Variants in PCDH9 observed in about 807,000 individuals in gnomAD.
PCDH9 encodes the protein protocadherin-9.
Under a neutral mutation model 70.6 loss-of-function variants are expected in PCDH9, and 24 were observed. The ratio of observed to expected loss-of-function variants is 0.34; its 90% CI spans 0.25 to 0.48. The LOEUF is 0.48. PCDH9 is among the 20% of genes least tolerant of loss of function. The pLI is 0.99. For missense variants in PCDH9, 1,281 were observed against 1,503.6 expected (o/e 0.85, Z 2.45); for synonymous variants, 562 against 558.5 (o/e 1.01, Z -0.09).
At chr13:66,382,892 C>A (rs915687742) in intron 4 of PCDH9, among the ~76,000 whole-genome samples, 5 of 152,056 alleles carry the variant, frequency 3.3e-5, no homozygotes, top group Non-Finnish European at 5.9e-5. Flanking sequence ...ATCAGCCAGG[C>A]GTGGTGGCGC....
At chr13:66,517,891 A>C (rs1340570095) in intron 4 of PCDH9, among the ~76,000 whole-genome samples, 2 of 152,190 alleles carry the variant, frequency 1.3e-5, no homozygotes, top group African/African-American at 4.8e-5. Context: ...GAATTAATAA[A>C]TGAATAAATG....
intron 4 of PCDH9, among the ~76,000 whole-genome samples, chr13:66,606,001 A>G (rs1374121240): frequency 6.6e-6 from 1 of 152,056 alleles, no homozygotes; most frequent in African/African-American, 2.4e-5. Flanking sequence ...AGTGACATAG[A>G]AATCATGGGG....
At chr13:66,513,311 T>A (rs1959580359) in intron 4 of PCDH9, among the ~76,000 whole-genome samples, 1 of 151,944 alleles carries the variant, frequency 6.6e-6, no homozygotes, top group South Asian at 2.1e-4. Context: ...TTACAAAATG[T>A]CTGCTATAAT....
intron 4 of PCDH9, among the ~76,000 whole-genome samples, chr13:66,479,028 T>C (rs1208839016): frequency 6.6e-6 from 1 of 152,188 alleles, no homozygotes; most frequent in Non-Finnish European, 1.5e-5. Flanking sequence ...ACACAGCTAG[T>C]GACTTTCAGT....
chr13:66,681,741 T>A (rs778459427), intron 3 of PCDH9, among the ~76,000 whole-genome samples: 3 of 152,058 alleles, frequency 2.0e-5, no homozygotes, highest in Non-Finnish European at 4.4e-5. Flanking sequence ...AGCATTGTAC[T>A]TTTCCCTTCC....
intron 2 of PCDH9, among the ~76,000 whole-genome samples, chr13:67,079,667 C>T (rs147058650): frequency 1.3e-4 from 20 of 152,296 alleles, no homozygotes; most frequent in African/African-American, 4.3e-4. Flanking sequence ...AATTTTGCAT[C>T]AGATTAATCT....
intron 3 of PCDH9, among the ~76,000 whole-genome samples, chr13:66,837,874 G>C (rs546403677): frequency 2.0e-5 from 3 of 152,090 alleles, no homozygotes; most frequent in African/African-American, 7.2e-5. Context: ...CACACACCCA[G>C]GGGAATGAAC....
chr13:67,214,933 C>CAT (rs1388312996), intron 2 of PCDH9: 2 of 26,130 alleles, frequency 7.7e-5, no homozygotes, highest in African/African-American at 2.4e-4. Context: ...TATTGCGAGC[C>CAT]AGATATATAT....
intron 3 of PCDH9, among the ~76,000 whole-genome samples, chr13:66,741,868 C>G (rs1166025506): frequency 7.0e-6 from 1 of 143,112 alleles, no homozygotes; most frequent in Non-Finnish European, 1.5e-5. Context: ...GAAGAACATT[C>G]CATGCTCATG....
At chr13:66,339,240 A>T (rs1444660828) in intron 4 of PCDH9, among the ~76,000 whole-genome samples, 4 of 152,048 alleles carry the variant, frequency 2.6e-5, no homozygotes, top group African/African-American at 9.7e-5. Context: ...AACAACAACA[A>T]AAAAACAGTA....
At position 66,921,373 on chromosome 13, in the gene PCDH9, A is replaced by G. The variant is rs138666117; in HGVS notation, c.3037-17768T>C. Among the ~76,000 whole-genome samples the G allele has an allele frequency of 5.3e-3, 799 of 151,360 alleles. 6 individuals are homozygous for G. Among genetic ancestry groups the G allele is most frequent in the African/African-American group, 0.018 (756 of 41,434 alleles). On this transcript the variant is annotated intron_variant, in intron 2 of 4. Transcript: ENST00000377865. The stretch of plus-strand genomic sequence containing the variant: ...TTTAAAAAACCGAAAAAGCAAAGTT[A>G]GATTTAGTATAGCTCTCTGTGTAAG...
intron 2 of PCDH9, among the ~76,000 whole-genome samples, chr13:67,077,721 T>C (rs907658658): frequency 5.3e-5 from 8 of 152,134 alleles, no homozygotes; most frequent in Non-Finnish European, 1.2e-4. Flanking sequence ...CTCACCCCAA[T>C]ATTTGATTCT....
At chr13:66,948,729 A>T (rs2139697582) in intron 2 of PCDH9, among the ~76,000 whole-genome samples, 1 of 152,272 alleles carries the variant, frequency 6.6e-6, no homozygotes, top group African/African-American at 2.4e-5. Flanking sequence ...TGAACTCAGC[A>T]GTCTCATACT....
intron 4 of PCDH9, among the ~76,000 whole-genome samples, chr13:66,353,886 A>C (rs1566263878): frequency 1.3e-5 from 2 of 152,282 alleles, no homozygotes; most frequent in East Asian, 1.9e-4. Flanking sequence ...ATGCTTGGAA[A>C]AATTCCACCT....
chr13:66,904,768 CAT>C (rs1372826803), intron 2 of PCDH9, among the ~76,000 whole-genome samples: 5 of 151,754 alleles, frequency 3.3e-5, no homozygotes, highest in African/African-American at 9.6e-5. Flanking sequence ...ATTTCAAGAC[CAT>C]CATTTTATAT....
chr13:67,089,127 C>A (rs979161534), intron 2 of PCDH9, among the ~76,000 whole-genome samples: 2 of 152,010 alleles, frequency 1.3e-5, no homozygotes, highest in African/African-American at 2.4e-5. Context: ...ATAATGCCTG[C>A]ATCACTTTCT....
intron 3 of PCDH9, among the ~76,000 whole-genome samples, chr13:66,664,131 C>T (rs1192437211): frequency 6.6e-6 from 1 of 152,196 alleles, no homozygotes; most frequent in African/African-American, 2.4e-5. Context: ...CAGTAATTTC[C>T]ATCAAACAAA....
chr13:66,408,580 G>T (rs568470310), intron 4 of PCDH9, among the ~76,000 whole-genome samples: 2 of 152,204 alleles, frequency 1.3e-5, no homozygotes, highest in African/African-American at 4.8e-5. Context: ...TTAAATAGTA[G>T]AACCTACTAT....
At chr13:66,743,631 AAG>A (rs2079308293) in intron 3 of PCDH9, among the ~76,000 whole-genome samples, 1 of 152,086 alleles carries the variant, frequency 6.6e-6, no homozygotes, top group African/African-American at 2.4e-5. Context: ...AAAAATTGCT[AAG>A]AGAGTAGATT....
Sources: gnomAD v4.1 joint callset for allele counts (sites outside exome capture counted in the v4.1 genomes callset) on GRCh38, gnomAD v4.1.1 for gene constraint, MANE v1.5 for transcripts, NCBI Gene and HGNC (gene_info 2026-07-23, HGNC 2026-07-21) for gene names.